The following RAMP1 variants were observed in gnomAD, a reference collection of about 807,000 sequenced individuals.
RAMP1 encodes receptor activity-modifying protein 1.
Under a neutral mutation model 8.2 loss-of-function variants are expected in RAMP1, and 7 were observed. The ratio of observed to expected loss-of-function variants is 0.85; its 90% CI spans 0.49 to 1.60. The LOEUF is 1.60. Among genes scored for constraint, RAMP1 ranks in the 40% most tolerant of loss-of-function variants. RAMP1 has a pLI of 0.00. For missense variants in RAMP1, 192 were observed against 202.4 expected (o/e 0.95, Z 0.31); for synonymous variants, 92 against 84.7 (o/e 1.09, Z -0.47).
At chr2:237,896,128 A>G (rs935812060) in intron 2 of RAMP1, among the ~76,000 whole-genome samples, 33 of 152,236 alleles carry the variant, frequency 2.2e-4, no homozygotes, top group African/African-American at 7.7e-4. Context: ...GCCCAGATGC[A>G]GCCAGCATAG....
chr2:237,869,353 C>T (rs2117859), intron 1 of RAMP1, among the ~76,000 whole-genome samples: 14,913 of 152,206 alleles, frequency 0.098, 1,716 homozygotes, highest in African/African-American at 0.28. Context: ...AGCACACTCA[C>T]GCTGCTGTAC....
intron 2 of RAMP1, among the ~76,000 whole-genome samples, chr2:237,887,010 G>C (rs112673957): frequency 6.6e-6 from 1 of 152,034 alleles, no homozygotes; most frequent in Non-Finnish European, 1.5e-5. Context: ...GGACTTGGCT[G>C]TCCTGGGACA....
At chr2:237,875,877 G>A (rs1224869911) in intron 1 of RAMP1, among the ~76,000 whole-genome samples, 3 of 151,634 alleles carry the variant, frequency 2.0e-5, no homozygotes, top group Non-Finnish European at 2.9e-5. Flanking sequence ...CCCTCCCCCA[G>A]GTGCACCTCC....
chr2:237,885,806 C>A (rs919307888), intron 2 of RAMP1, among the ~76,000 whole-genome samples: 3 of 152,224 alleles, frequency 2.0e-5, no homozygotes, highest in Admixed American at 1.3e-4. Context: ...CACCCTCTGC[C>A]CCCCCTGGGT....
At position 237,877,893 on chromosome 2, in the gene RAMP1, C is replaced by T; in HGVS notation, c.191+531C>T. 2.1e-6 allele frequency: 2 copies of T among 940,464 alleles called. No homozygotes were observed. Among genetic ancestry groups the T allele is most frequent in the Non-Finnish European group, 2.5e-6 (2 of 789,098 alleles). The allele number at this position is 940,464 out of a possible 1,614,324, so 58.3% of individuals were successfully genotyped here. ...TCCCCACCTGGCCCGATCCTCCTGC[C>T]CAAGGGCCCTTCTTCCCGCTTGAGG... On this transcript the variant is annotated intron_variant, in intron 2 of 2. Coordinates refer to ENST00000254661, the MANE Select transcript of RAMP1 (RefSeq NM_005855.4). The surrounding 1 kb of genome is among the most constrained non-coding windows in gnomAD (Gnocchi z 4.4).
intron 2 of RAMP1, among the ~76,000 whole-genome samples, chr2:237,895,807 G>A (rs1031388716): frequency 6.6e-6 from 1 of 152,160 alleles, no homozygotes; most frequent in Non-Finnish European, 1.5e-5. Context: ...GCTTCACAAG[G>A]ACAATGCCCC....
intron 2 of RAMP1, among the ~76,000 whole-genome samples, chr2:237,898,494 G>A (rs938031144): frequency 2.0e-5 from 3 of 152,208 alleles, no homozygotes; most frequent in African/African-American, 7.2e-5. Flanking sequence ...TCACCCGTAG[G>A]AGTTCCAGGT....
intron 2 of RAMP1, among the ~76,000 whole-genome samples, chr2:237,910,005 G>A (rs1318275532): frequency 1.3e-5 from 2 of 152,110 alleles, no homozygotes; most frequent in African/African-American, 4.8e-5. Context: ...CAGGCCCCTG[G>A]CTCGGCACGG....
At chr2:237,908,361 G>C (rs969926345) in intron 2 of RAMP1, among the ~76,000 whole-genome samples, 3 of 152,016 alleles carry the variant, frequency 2.0e-5, no homozygotes, top group Non-Finnish European at 4.4e-5. Flanking sequence ...AAACTCTGTC[G>C]GGGTCTTGGG....
chr2:237,859,899 C>G, intron 1 of RAMP1, 172 bp downstream of exon 1: 1 of 595,890 alleles, frequency 1.7e-6, no homozygotes, highest in Non-Finnish European at 2.6e-6. Flanking sequence ...GGCGGGAGGC[C>G]CCAGGGCACA....
At chr2:237,899,668 G>C (rs1173604229) in intron 2 of RAMP1, among the ~76,000 whole-genome samples, 1 of 152,242 alleles carries the variant, frequency 6.6e-6, no homozygotes, top group Non-Finnish European at 1.5e-5. Context: ...AAGGGCATCT[G>C]TTCCGTCCGT....
intron 2 of RAMP1, among the ~76,000 whole-genome samples, chr2:237,897,491 C>G (rs1046863221): frequency 2.6e-5 from 4 of 152,180 alleles, no homozygotes; most frequent in Admixed American, 1.3e-4. Context: ...TTCCTTGAAC[C>G]CTCCCAAGAT....
chr2:237,900,829 G>A (rs971850351), intron 2 of RAMP1, among the ~76,000 whole-genome samples: 1 of 151,948 alleles, frequency 6.6e-6, no homozygotes, highest in Non-Finnish European at 1.5e-5. Context: ...ATTGACTTAT[G>A]ATTTATACTC....
intron 2 of RAMP1, among the ~76,000 whole-genome samples, chr2:237,902,479 G>A (rs981560944): frequency 2.6e-5 from 4 of 151,760 alleles, no homozygotes; most frequent in African/African-American, 9.7e-5. Flanking sequence ...GGGGTGGGGG[G>A]AACACAGCGA....
rs745564238 is a variant in RAMP1 at position 237,878,327 on chromosome 2, C to T, written c.191+965C>T. 2.0e-5 allele frequency among the ~76,000 whole-genome samples: 3 copies of T among 152,194 alleles called. No individual in the cohort carries two copies. The highest frequency in any genetic ancestry group is 2.9e-5 in the Non-Finnish European group (2 of 68,018). On this transcript the variant is annotated intron_variant, in intron 2 of 2. Transcript: ENST00000254661. This position sits in a 1 kb window ranked among gnomAD's most constrained non-coding sequence, Gnocchi z 5.7. ...GAGGAGGGCCTCGGGAGGGTCTTCA[C>T]GGAGGAAAGGTTGCACCAAGGTCAC... is the stretch of plus-strand genomic sequence containing the variant.
chr2:237,911,433 C>T, intron 2 of RAMP1, 95 bp from the exon 3 acceptor site: 1 of 1,510,728 alleles, frequency 6.6e-7, no homozygotes, highest in Non-Finnish European at 9.0e-7. Context: ...AGCTTCAGGG[C>T]TGCATGAGGG....
Position 237,878,674 on chromosome 2 carries a change from G to C in RAMP1, c.191+1312G>C, listed in dbSNP as rs988944939. 6.6e-6 allele frequency among the ~76,000 whole-genome samples: 1 copy of C among 152,222 alleles called. No individual in the cohort carries two copies. On this transcript the variant is annotated intron_variant, in intron 2 of 2. Coordinates refer to ENST00000254661, the MANE Select transcript of RAMP1 (RefSeq NM_005855.4). The surrounding 1 kb of genome is among the most constrained non-coding windows in gnomAD (Gnocchi z 5.7). ...CGGCCATGTGCTCTCTGCCCACTTC[G>C]TCCACCCCAGGGAACTCCCTCAGGC...
chr2:237,877,350 G>A lies in RAMP1; in HGVS notation c.179G>A (p.Gly60Asp). 11 of 1,613,010 alleles carry A rather than the reference G, an allele frequency of 6.8e-6. No homozygotes were observed. Among genetic ancestry groups the A allele is most frequent in the Non-Finnish European group, 9.3e-6 (11 of 1,179,514 alleles). The change falls in exon 2 of 3, where the codon GGC becomes GAC. Residue 60 changes from glycine to aspartate, a missense_variant. By Grantham distance (94) the Gly-to-Asp change is moderately conservative. Coordinates refer to ENST00000254661, the MANE Select transcript of RAMP1 (RefSeq NM_005855.4). The surrounding 1 kb of genome is among the most constrained non-coding windows in gnomAD (Gnocchi z 4.4). ...AVGETLWCDW[G>D]RTIRSYRELA... ...GGGGAGACGCTGTGGTGTGACTGGG[G>A]CAGGACCATCAGGTGAGTCCCATGG...
chr2:237,903,477 G>C (rs1272096908), intron 2 of RAMP1, among the ~76,000 whole-genome samples: 2 of 152,082 alleles, frequency 1.3e-5, no homozygotes, highest in Admixed American at 1.3e-4. Flanking sequence ...GGATTGCTAT[G>C]AGTGCCTGCC....
Sources: allele counts gnomAD v4.1 joint callset (sites outside exome capture counted in the v4.1 genomes callset), GRCh38; gene constraint gnomAD v4.1.1; non-coding constraint Gnocchi (gnomAD v3.1); transcripts MANE v1.5; gene names NCBI Gene and HGNC (gene_info 2026-07-23, HGNC 2026-07-21).